The following ZNF385D variants were observed in gnomAD, a reference collection of about 807,000 sequenced individuals.
ZNF385D encodes zinc finger protein 385D.
A neutral mutation model predicts 35.8 loss-of-function variants in ZNF385D; 15 were observed. The observed-to-expected ratio is 0.42, with a 90% CI of 0.28 to 0.64. The LOEUF (loss-of-function observed/expected upper bound fraction) is 0.64, where lower values mean the gene tolerates loss of function less well. ZNF385D is among the 30% of genes least tolerant of loss of function. The probability of loss-of-function intolerance (pLI) is 0.23; values close to 1 mark genes in which losing one functional copy is unlikely to be tolerated. For missense variants in ZNF385D, 474 were observed against 494.6 expected, an observed-to-expected ratio of 0.96 and a Z score of 0.39; for synonymous variants, 212 against 186.8, an observed-to-expected ratio of 1.13 and a Z score of -1.10.
chr3:22,302,785 G>A (rs1056884481), intron 2 of ZNF385D, among the ~76,000 whole-genome samples: 1 of 151,822 alleles, frequency 6.6e-6, no homozygotes, highest in Non-Finnish European at 1.5e-5. Flanking sequence ...ACTTTGAAAG[G>A]CCTCACATGT....
intron 2 of ZNF385D, among the ~76,000 whole-genome samples, chr3:22,234,966 A>T (rs1411619482): frequency 6.6e-6 from 1 of 152,060 alleles, no homozygotes; most frequent in East Asian, 1.9e-4. Context: ...ATAGTACCAA[A>T]TAAGAAAATT....
intron 5 of ZNF385D, among the ~76,000 whole-genome samples, chr3:21,430,457 A>G (rs546240398): frequency 5.8e-4 from 88 of 152,208 alleles, no homozygotes; most frequent in African/African-American, 1.5e-3. Flanking sequence ...AAGCTGCACA[A>G]TGGACCCTGT....
intron 2 of ZNF385D, among the ~76,000 whole-genome samples, chr3:21,608,653 T>C (rs143227034): frequency 1.3e-3 from 201 of 152,322 alleles, no homozygotes; most frequent in African/African-American, 4.4e-3. Flanking sequence ...AAAAAATGTC[T>C]ATTAGTTTTG....
At chr3:21,732,044 T>C (rs1387667035) in intron 1 of ZNF385D, among the ~76,000 whole-genome samples, 2 of 45,602 alleles carry the variant, frequency 4.4e-5, no homozygotes, top group African/African-American at 1.2e-4. Context: ...TTTTTTTTTT[T>C]TTTTTTTTTT....
rs190916958 is a variant in ZNF385D, at chr3:21,427,718, A to G, written c.674-2048T>C. 1.6e-4 allele frequency among the ~76,000 whole-genome samples: 25 copies of G among 152,298 alleles called. 1 individual carries two copies. The highest frequency in any genetic ancestry group is 1.6e-3 in the Admixed American group (24 of 15,284). The stretch of plus-strand genomic sequence containing the variant: ...CATCTATGTCATGTTTTTTAGAGGA[A>G]GAATAGAAATGGGACATATGTGAAC... On this transcript the variant is annotated intron_variant, in intron 5 of 7. Coordinates refer to ENST00000281523, the MANE Select transcript of ZNF385D (RefSeq NM_024697.3).
intron 3 of ZNF385D, among the ~76,000 whole-genome samples, chr3:21,941,602 A>G (rs1011793397): frequency 2.1e-5 from 3 of 140,420 alleles, no homozygotes; most frequent in Non-Finnish European, 4.5e-5. Flanking sequence ...GGTTCACGCC[A>G]TTCTCCTGCC....
rs1700562988 is a variant in ZNF385D at position 21,416,462 on chromosome 3, C to T, written c.*4752G>A. On this transcript the variant is annotated 3_prime_UTR_variant, in exon 8 of 8. Transcript: ENST00000281523. ...AGGCCAAATGAGCATGACATGTCAA[C>T]CTATCCGTCTTTCACTGGACACCCT... 6.6e-6 allele frequency: 1 copy of T among 152,078 alleles called. No homozygotes were observed. Among genetic ancestry groups the T allele is most frequent in the African/African-American group, 2.4e-5 (1 of 41,408 alleles). The allele number at this position is 152,078 out of a possible 1,614,324, so 9.4% of individuals were successfully genotyped here. A position where few individuals can be genotyped will look rare whatever the true frequency, so the allele number is the denominator to read the frequency against.
At chr3:21,545,243 A>G (rs1478120633) in intron 3 of ZNF385D, among the ~76,000 whole-genome samples, 2 of 152,228 alleles carry the variant, frequency 1.3e-5, no homozygotes, top group Non-Finnish European at 2.9e-5. Flanking sequence ...TAGAACTTTA[A>G]CAGGTGCTCT....
At chr3:22,295,044 T>G (rs2125403497) in intron 2 of ZNF385D, among the ~76,000 whole-genome samples, 1 of 152,268 alleles carries the variant, frequency 6.6e-6, no homozygotes, top group East Asian at 1.9e-4. Flanking sequence ...AAATGTTTGT[T>G]TATGGCCCAT....
intron 3 of ZNF385D, chr3:21,543,061 C>G (rs2062233809): frequency 6.6e-6 from 1 of 152,518 alleles, no homozygotes; most frequent in Admixed American, 6.5e-5. Context: ...GCCTGTAATT[C>G]CAGCACTTTG....
chr3:21,624,892 A>G (rs556633528), intron 2 of ZNF385D, among the ~76,000 whole-genome samples: 2 of 152,208 alleles, frequency 1.3e-5, no homozygotes, highest in East Asian at 3.9e-4. Flanking sequence ...CCTTCTCCTT[A>G]GAGTGATCTG....
At chr3:22,171,982 T>A (rs1694483499) in intron 2 of ZNF385D, among the ~76,000 whole-genome samples, 1 of 151,838 alleles carries the variant, frequency 6.6e-6, no homozygotes. Context: ...GCAATTTTCC[T>A]CCCCAATATG....
chr3:21,613,716 G>A (rs2064757201), intron 2 of ZNF385D, among the ~76,000 whole-genome samples: 1 of 152,176 alleles, frequency 6.6e-6, no homozygotes, highest in Non-Finnish European at 1.5e-5. Flanking sequence ...TGAGAATATT[G>A]GGGTTGAAAG....
At chr3:21,441,812 C>A (rs548275896) in intron 4 of ZNF385D, 44 of 805,646 alleles carry the variant, frequency 5.5e-5, no homozygotes, top group Non-Finnish European at 6.6e-5. Flanking sequence ...ATTCAGATTT[C>A]TTTGCACTAC....
intron 2 of ZNF385D, among the ~76,000 whole-genome samples, chr3:22,322,754 T>A (rs1694500423): frequency 6.6e-6 from 1 of 152,244 alleles, no homozygotes; most frequent in Admixed American, 6.5e-5. Context: ...TGTTTCTACC[T>A]TTCATTTCTT....
chr3:22,247,061 A>C (rs1477262453), intron 2 of ZNF385D, among the ~76,000 whole-genome samples: 2 of 152,118 alleles, frequency 1.3e-5, no homozygotes, highest in African/African-American at 4.8e-5. Flanking sequence ...TTATACACAC[A>C]TGCAGTTTCA....
chr3:22,096,725 T>A (rs1006531690), intron 3 of ZNF385D, among the ~76,000 whole-genome samples: 7 of 152,100 alleles, frequency 4.6e-5, no homozygotes, highest in African/African-American at 1.7e-4. Context: ...TTCCCCACGC[T>A]GTTCTATGTG....
chr3:21,483,347 A>T (rs1232714700), intron 4 of ZNF385D, among the ~76,000 whole-genome samples: 3 of 152,154 alleles, frequency 2.0e-5, no homozygotes, highest in African/African-American at 4.8e-5. Context: ...GTGGTATCCC[A>T]CTGTATCTCT....
chr3:21,585,300 A>G (rs1328257003), intron 2 of ZNF385D, among the ~76,000 whole-genome samples: 2 of 152,124 alleles, frequency 1.3e-5, no homozygotes, highest in African/African-American at 2.4e-5. Context: ...TTCCTCTGAA[A>G]TCTTCTGGGA....
Sources: allele counts gnomAD v4.1 joint callset (sites outside exome capture counted in the v4.1 genomes callset), GRCh38; gene constraint gnomAD v4.1.1; transcripts MANE v1.5; gene names NCBI Gene and HGNC (gene_info 2026-07-23, HGNC 2026-07-21).